DRG1: variants seen among roughly 807,000 people sequenced by gnomAD.
The protein encoded by DRG1 is developmentally-regulated GTP-binding protein 1.
A neutral mutation model predicts 38.8 loss-of-function variants in DRG1; 19 were observed. That is an observed-to-expected ratio of 0.49 (90% CI 0.34 to 0.72). The LOEUF is 0.72. DRG1 is among the 30% of genes least tolerant of loss of function. The pLI, the probability that DRG1 is intolerant of heterozygous loss-of-function variation, is 0.01. For synonymous variants in DRG1, 167 were observed against 157.5 expected (o/e 1.06, Z -0.45); for missense variants, 299 against 444.8 (o/e 0.67, Z 2.95).
rs11421035 is a variant in DRG1, at chr22:31,424,811, C to CTT, written c.713+1414_713+1415dup. Among the ~76,000 whole-genome samples the CTT allele has an allele frequency of 7.9e-3, 289 of 36,528 alleles. 16 individuals carry two copies. The highest frequency in any genetic ancestry group is 0.035 in the South Asian group (31 of 896). 24.0% of individuals were successfully genotyped at this position (36,528 alleles called of 152,430 possible). A position where few individuals can be genotyped will look rare whatever the true frequency, so the allele number is the denominator to read the frequency against. ...TGTGCCCGGCACCCGCCCCCCCCCCCTTTTTTTTTTTTTTGGAGTCTTGCT... is the reference window on the plus strand; with the variant it reads ...TGTGCCCGGCACCCGCCCCCCCCCCCTTTTTTTTTTTTTTTTGGAGTCTTGCT... On this transcript the variant is annotated intron_variant, in intron 6 of 8. Transcript: ENST00000331457.
chr22:31,402,919 T>G, intron 2 of DRG1, 110 bp from the exon 3 acceptor site: 1 of 1,266,814 alleles, frequency 7.9e-7, no homozygotes, highest in Non-Finnish European at 1.1e-6. Flanking sequence ...CATAAAAAGT[T>G]TGAGAAATAG....
At chr22:31,419,801 T>A (rs542073607) in intron 4 of DRG1, among the ~76,000 whole-genome samples, 1 of 152,138 alleles carries the variant, frequency 6.6e-6, no homozygotes, top group African/African-American at 2.4e-5. Context: ...CCTAGCACTT[T>A]GGGAGGCTGA....
At chr22:31,404,477 T>C (rs971328230) in intron 3 of DRG1, among the ~76,000 whole-genome samples, 4 of 151,820 alleles carry the variant, frequency 2.6e-5, no homozygotes, top group Non-Finnish European at 4.4e-5. Context: ...CCTGACCTCA[T>C]GATCCTCCTG....
At chr22:31,418,697 T>C (rs894002452) in intron 4 of DRG1, among the ~76,000 whole-genome samples, 5 of 151,868 alleles carry the variant, frequency 3.3e-5, no homozygotes, top group African/African-American at 9.7e-5. Context: ...TTATTTATTT[T>C]TGTAGATGGA....
intron 8 of DRG1, 105 bp downstream of exon 8, chr22:31,427,287 C>T: frequency 3.5e-6 from 5 of 1,408,546 alleles, no homozygotes; most frequent in Non-Finnish European, 3.8e-6. Flanking sequence ...AGGAAGGAGG[C>T]TACTGAAATG....
At chr22:31,401,892 A>T (rs1186642297) in intron 2 of DRG1, among the ~76,000 whole-genome samples, 2 of 151,996 alleles carry the variant, frequency 1.3e-5, no homozygotes, top group South Asian at 4.1e-4. Flanking sequence ...CTCTGCTAAA[A>T]ATACAAAAAT....
At position 31,424,809 on chromosome 22, in the gene DRG1, C is replaced by CG. The variant is rs1272777899; in HGVS notation, c.713+1399_713+1400insG. Among the ~76,000 whole-genome samples the CG allele has an allele frequency of 3.4e-3, 54 of 16,024 alleles. 5 individuals carry two copies. The highest frequency in any genetic ancestry group is 0.012 in the South Asian group (3 of 244). 10.5% of individuals were successfully genotyped at this position (16,024 alleles called of 152,430 possible). On this transcript the variant is annotated intron_variant, in intron 6 of 8. Coordinates refer to ENST00000331457, the MANE Select transcript of DRG1 (RefSeq NM_004147.4). ...GCTGTGCCCGGCACCCGCCCCCCCCCCCTTTTTTTTTTTTTTGGAGTCTTG... is the reference window on the plus strand; with the variant it reads ...GCTGTGCCCGGCACCCGCCCCCCCCCGCCTTTTTTTTTTTTTTGGAGTCTTG...
intron 6 of DRG1, chr22:31,426,383 C>G (rs2050110616): frequency 2.3e-6 from 1 of 428,050 alleles, no homozygotes; most frequent in Admixed American, 4.1e-5. Flanking sequence ...CTTTCCACTG[C>G]AGTATGCTTT....
At chr22:31,409,411 G>A (rs1050446701) in intron 3 of DRG1, among the ~76,000 whole-genome samples, 2 of 152,072 alleles carry the variant, frequency 1.3e-5, no homozygotes, top group African/African-American at 2.4e-5. Context: ...TTTTACTGGG[G>A]ACATACATCA....
intron 8 of DRG1, 81 bp from the exon 9 acceptor site, chr22:31,433,791 A>C: frequency 8.0e-7 from 1 of 1,245,428 alleles, no homozygotes. Context: ...ACTAAATCTG[A>C]GCAGAAGGGT....
intron 6 of DRG1, 29 bp downstream of exon 6, chr22:31,423,439 G>T: frequency 1.2e-6 from 2 of 1,610,940 alleles, no homozygotes; most frequent in South Asian, 2.2e-5. Flanking sequence ...GTCTGTGCCT[G>T]ACTGAATTGG....
Position 31,399,707 on chromosome 22 carries a change from C to A in DRG1, c.24C>A (p.Ile8=). The change falls in exon 1 of 9, where the codon ATC becomes ATA. Residue 8 remains isoleucine, a synonymous_variant. Coordinates refer to ENST00000331457, the MANE Select transcript of DRG1 (RefSeq NM_004147.4). Reference sequence around the variant, plus strand: ...CGATGAGCAGCACCTTAGCTAAGATCGCGGAGATAGAAGCAGAGGTAATGG... The same window carrying A: ...CGATGAGCAGCACCTTAGCTAAGATAGCGGAGATAGAAGCAGAGGTAATGG... The part of the protein sequence containing the change: MSSTLAK[I]AEIEAEMART... 1.2e-6 allele frequency: 2 copies of A among 1,613,978 alleles called. No individual in the cohort carries two copies. Among genetic ancestry groups the A allele is most frequent in the Non-Finnish European group, 1.7e-6 (2 of 1,179,868 alleles).
rs2050158742 is a variant in DRG1 at position 31,434,113 on chromosome 22, CATTTGTCTT to C, written c.*144_*152del. 1 of 676,334 alleles carries C rather than the reference CATTTGTCTT, an allele frequency of 1.5e-6. No homozygotes were observed. The highest frequency in any genetic ancestry group is 2.5e-6 in the Non-Finnish European group (1 of 392,176). The allele number at this position is 676,334 out of a possible 1,614,324, so 41.9% of individuals were successfully genotyped here. A position where few individuals can be genotyped will look rare whatever the true frequency, so the allele number is the denominator to read the frequency against. On this transcript the variant is annotated 3_prime_UTR_variant, in exon 9 of 9. Coordinates refer to ENST00000331457, the MANE Select transcript of DRG1 (RefSeq NM_004147.4). ...GATGGAGGCACCCAAACTGGAACTT[CATTTGTCTT>C]ACCTTGGTGTCACCTTGTATGTCGA...
chr22:31,418,561 G>A (rs942104504), intron 4 of DRG1, among the ~76,000 whole-genome samples: 2 of 152,064 alleles, frequency 1.3e-5, no homozygotes, highest in African/African-American at 2.4e-5. Context: ...TGGCTGGAGT[G>A]CAGTGGCATG....
chr22:31,425,442 T>G (rs538490665), intron 6 of DRG1, among the ~76,000 whole-genome samples: 1,201 of 87,056 alleles, frequency 0.014, 4 homozygotes, highest in Non-Finnish European at 0.024. Flanking sequence ...ATACATTACT[T>G]TTTTTTTTTT....
chr22:31,412,993 G>A (rs1470776788), intron 4 of DRG1, among the ~76,000 whole-genome samples: 1 of 151,810 alleles, frequency 6.6e-6, no homozygotes, highest in Admixed American at 6.6e-5. Flanking sequence ...TCATTTTATG[G>A]AAGATTTTCC....
intron 3 of DRG1, among the ~76,000 whole-genome samples, chr22:31,404,627 TTTG>T (rs1351216816): frequency 6.6e-6 from 1 of 151,660 alleles, no homozygotes; most frequent in African/African-American, 2.4e-5. Flanking sequence ...GTTTTTTTGT[TTTG>T]TTTTGTTTTG....
At chr22:31,431,685 A>G (rs1291377673) in intron 8 of DRG1, among the ~76,000 whole-genome samples, 1 of 152,108 alleles carries the variant, frequency 6.6e-6, no homozygotes, top group African/African-American at 2.4e-5. Context: ...CCAACCAAAG[A>G]AAGAAAAAAC....
chr22:31,410,603 A>T (rs376491363), intron 3 of DRG1, among the ~76,000 whole-genome samples: 3 of 152,174 alleles, frequency 2.0e-5, no homozygotes, highest in East Asian at 3.8e-4. Context: ...CCCTGAGGTC[A>T]GGAGTTTGAG....
Sources: gnomAD v4.1 joint callset for allele counts (sites outside exome capture counted in the v4.1 genomes callset) on GRCh38, gnomAD v4.1.1 for gene constraint, MANE v1.5 for transcripts, NCBI Gene and HGNC (gene_info 2026-07-23, HGNC 2026-07-21) for gene names.